GPN3: variants seen among roughly 807,000 people sequenced by gnomAD.
The protein encoded by GPN3 is GPN-loop GTPase 3, also known as ATP-binding domain 1 family member C.
A neutral mutation model predicts 38.7 loss-of-function variants in GPN3; 31 were observed. That is an observed-to-expected ratio of 0.80 (90% CI 0.60 to 1.08). The LOEUF is 1.08. Ranked by LOEUF, GPN3 falls within the 50% of genes least tolerant of loss-of-function variation. The pLI is 0.00. For synonymous variants in GPN3, 116 were observed against 120.2 expected, an observed-to-expected ratio of 0.96 and a Z score of 0.23; for missense variants, 301 against 354.4, an observed-to-expected ratio of 0.85 and a Z score of 1.21.
rs532145315 is a variant in GPN3, at chr12:110,459,717, G to T, written c.303C>A (p.Asp101Glu). 1.2e-6 allele frequency: 2 copies of T among 1,612,242 alleles called. No homozygotes were observed. The highest frequency in any genetic ancestry group is 2.7e-5 in the African/African-American group (2 of 75,012). ...CACCTGGACAATCAAAAAGGATATAGTCGTCCTCTACATGGCCAAGACAGT... is the reference window on the plus strand; with the variant it reads ...CACCTGGACAATCAAAAAGGATATATTCGTCCTCTACATGGCCAAGACAGT... ...LENCLGHVED[D>E]YILFDCPGQI... Residue 101 changes from aspartate to glutamate, a missense_variant, in exon 3 of 8, where the codon GAC becomes GAA. By Grantham distance (45) the Asp-to-Glu change is conservative (BLOSUM62 2). Coordinates refer to ENST00000228827, the MANE Select transcript of GPN3 (RefSeq NM_016301.4).
chr12:110,455,298 T>G (rs1238721961), intron 6 of GPN3, among the ~76,000 whole-genome samples: 1 of 151,874 alleles, frequency 6.6e-6, no homozygotes, highest in African/African-American at 2.4e-5. Context: ...AATTTTTTTT[T>G]GTATTTTTAG....
chr12:110,464,887 C>G lies in GPN3; in HGVS notation c.157+219G>C. 3.8e-6 allele frequency: 2 copies of G among 527,536 alleles called. 1 individual carries two copies. The highest frequency in any genetic ancestry group is 4.6e-5 in the South Asian group (2 of 43,884). 32.7% of individuals were successfully genotyped at this position (527,536 alleles called of 1,614,324 possible). ...GAATTACAGGCATGAGCCTCCGCGCCCGGCCCCATTTACTTTTAAATCTTA... is the reference window on the plus strand; with the variant it reads ...GAATTACAGGCATGAGCCTCCGCGCGCGGCCCCATTTACTTTTAAATCTTA... On this transcript the variant is annotated intron_variant, in intron 2 of 7. Transcript: ENST00000228827.
intron 2 of GPN3, 84 bp from the exon 3 acceptor site, chr12:110,459,946 A>G: frequency 8.7e-7 from 1 of 1,149,860 alleles, no homozygotes; most frequent in Non-Finnish European, 1.3e-6. Flanking sequence ...AAAAGTTAAT[A>G]ATTACATAAA....
chr12:110,461,473 G>T (rs2062589845), intron 2 of GPN3: 1 of 533,758 alleles, frequency 1.9e-6, no homozygotes, highest in Admixed American at 3.5e-5. Flanking sequence ...GCTGGCATGT[G>T]CCTGTAATCC....
chr12:110,457,766 C>A, intron 3 of GPN3, 132 bp from the exon 4 acceptor site: 1 of 527,478 alleles, frequency 1.9e-6, no homozygotes. Context: ...CACAGCCTCT[C>A]AAAGCAATCA....
rs190438484 is a variant in GPN3, at chr12:110,456,917, G to A, written c.450+593C>T. ...CTCACTCTGTTGCCCAAGCAGGTCC[G>A]AAACTCTTGGGCTCAAGCAATCCTC... On this transcript the variant is annotated intron_variant, in intron 4 of 7. Coordinates refer to ENST00000228827, the MANE Select transcript of GPN3 (RefSeq NM_016301.4). Among the ~76,000 whole-genome samples, 17 of 151,964 alleles carry A rather than the reference G, an allele frequency of 1.1e-4. No individual in the cohort carries two copies. In the East Asian group the frequency reaches 2.5e-3, roughly 23 times the overall value.
intron 2 of GPN3, chr12:110,461,439 A>G (rs1480023360): frequency 1.7e-6 from 1 of 578,636 alleles, no homozygotes; most frequent in African/African-American, 1.9e-5. Context: ...AAAACAAACA[A>G]AAATAGAAAA....
intron 1 of GPN3, 37 bp from the exon 2 acceptor site, chr12:110,465,251 G>T: frequency 1.8e-6 from 2 of 1,141,858 alleles, no homozygotes; most frequent in South Asian, 1.2e-5. Flanking sequence ...TAAAGCAACA[G>T]GTAGTGTAGT....
At chr12:110,456,507 G>A (rs2062550894) in intron 4 of GPN3, among the ~76,000 whole-genome samples, 1 of 151,962 alleles carries the variant, frequency 6.6e-6, no homozygotes, top group South Asian at 2.1e-4. Context: ...AACATACAGT[G>A]ATCACAAATT....
In GPN3 at chr12:110,468,255, A is replaced by G. The variant is rs2062651875; in HGVS notation, c.-52T>C. Reference sequence around the variant, plus strand: ...CTCCCTTAGCCTTCGCGCGACGCCCACTGAGCTCCGGGAAAGTGAAGTGCG... The same window carrying G: ...CTCCCTTAGCCTTCGCGCGACGCCCGCTGAGCTCCGGGAAAGTGAAGTGCG... On this transcript the variant is annotated 5_prime_UTR_variant, in exon 1 of 8. Coordinates refer to ENST00000228827, the MANE Select transcript of GPN3 (RefSeq NM_016301.4). 3.1e-6 allele frequency: 5 copies of G among 1,604,022 alleles called. No homozygotes were observed. The highest frequency in any genetic ancestry group is 4.2e-6 in the Non-Finnish European group (5 of 1,179,468).
At chr12:110,463,762 G>A (rs1171438674) in intron 2 of GPN3, among the ~76,000 whole-genome samples, 3 of 148,636 alleles carry the variant, frequency 2.0e-5, no homozygotes, top group East Asian at 3.9e-4. Flanking sequence ...CAGCCTGGGC[G>A]ACAGAGCTGG....
chr12:110,463,337 T>A (rs2062604272), intron 2 of GPN3, among the ~76,000 whole-genome samples: 1 of 151,270 alleles, frequency 6.6e-6, no homozygotes, highest in African/African-American at 2.4e-5. Context: ...GTGCCTGTAG[T>A]CCCAGCTACT....
At chr12:110,459,990 G>T in intron 2 of GPN3, 128 bp from the exon 3 acceptor site, 1 of 698,878 alleles carries the variant, frequency 1.4e-6, no homozygotes. Context: ...TATGTACATG[G>T]CTTTTCCCTG....
chr12:110,465,657 C>A (rs995485279), intron 1 of GPN3, among the ~76,000 whole-genome samples: 19 of 152,254 alleles, frequency 1.2e-4, no homozygotes, highest in African/African-American at 4.3e-4. Context: ...AGTTTGCCAA[C>A]CTAAGGGGAA....
chr12:110,457,541 A>C lies in GPN3; in HGVS notation c.419T>G (p.Val140Gly). Residue 140 changes from valine to glycine, a missense_variant, in exon 4 of 8, where the codon GTT becomes GGT. Coordinates refer to ENST00000228827, the MANE Select transcript of GPN3 (RefSeq NM_016301.4). ...TGACTCCACCATGAACTGAGAATCA[A>C]CAAGAAAAACTCCACAGACTCGGAA... ...WEFRVCGVFLVDSQFMVESFK... is the reference protein window; with the variant it reads ...WEFRVCGVFLGDSQFMVESFK... 1 of 1,611,800 alleles carries C rather than the reference A, an allele frequency of 6.2e-7. No individual in the cohort carries two copies.
At chr12:110,467,178 C>G (rs2135531892) in intron 1 of GPN3, among the ~76,000 whole-genome samples, 1 of 151,870 alleles carries the variant, frequency 6.6e-6, no homozygotes, top group East Asian at 1.9e-4. Flanking sequence ...TTTGTAGAGA[C>G]AGAGTTTCGC....
intron 2 of GPN3, among the ~76,000 whole-genome samples, chr12:110,460,375 A>T (rs1005315388): frequency 6.6e-6 from 1 of 152,198 alleles, no homozygotes; most frequent in Non-Finnish European, 1.5e-5. Flanking sequence ...TTACATTATG[A>T]ACCATGTGAA....
At chr12:110,453,128 T>C in intron 7 of GPN3, 32 bp from the exon 8 acceptor site, 1 of 1,047,828 alleles carries the variant, frequency 9.5e-7, no homozygotes, top group East Asian at 2.4e-5. Flanking sequence ...ATAGAAAATA[T>C]ATTCATTTCC....
chr12:110,460,822 G>A (rs1474783466), intron 2 of GPN3, among the ~76,000 whole-genome samples: 2 of 152,200 alleles, frequency 1.3e-5, no homozygotes, highest in Non-Finnish European at 2.9e-5. Context: ...AAAATTAGCA[G>A]GCATGGCGGC....
Sources: allele counts gnomAD v4.1 joint callset (sites outside exome capture counted in the v4.1 genomes callset), GRCh38; gene constraint gnomAD v4.1.1; transcripts MANE v1.5; gene names NCBI Gene and HGNC (gene_info 2026-07-23, HGNC 2026-07-21).